GRXCR2: variants seen among roughly 807,000 people sequenced by gnomAD.
GRXCR2 encodes the protein glutaredoxin domain-containing cysteine-rich protein 2.
GRXCR2 carries 23 observed loss-of-function variants against 24.8 expected under a neutral mutation model. That is an observed-to-expected ratio of 0.93 (90% CI 0.67 to 1.32). The LOEUF (loss-of-function observed/expected upper bound fraction) is 1.32, where lower values mean the gene tolerates loss of function less well. GRXCR2 is among the 40% of genes most tolerant of loss of function. The pLI is 0.00. For missense variants in GRXCR2, 315 were observed against 303.4 expected, an observed-to-expected ratio of 1.04 and a Z score of -0.28; for synonymous variants, 130 against 116.1, an observed-to-expected ratio of 1.12 and a Z score of -0.77.
intron 1 of GRXCR2, among the ~76,000 whole-genome samples, chr5:145,868,520 C>G (rs993439236): frequency 6.6e-6 from 1 of 152,112 alleles, no homozygotes; most frequent in East Asian, 1.9e-4. Flanking sequence ...TTGTTTTATG[C>G]AGGCTGGATT....
intron 2 of GRXCR2, among the ~76,000 whole-genome samples, chr5:145,920,222 C>A (rs1336136911): frequency 6.6e-6 from 1 of 152,284 alleles, no homozygotes; most frequent in East Asian, 1.9e-4. Flanking sequence ...CTCACATCTG[C>A]CTGGTGTTTA....
intron 2 of GRXCR2, among the ~76,000 whole-genome samples, chr5:145,931,664 G>T (rs1341325931): frequency 6.6e-6 from 1 of 152,142 alleles, no homozygotes; most frequent in African/African-American, 2.4e-5. Flanking sequence ...TGTCCCAAAG[G>T]TTTCTCAGTA....
At chr5:145,909,812 A>C (rs1253655838) in intron 2 of GRXCR2, among the ~76,000 whole-genome samples, 3 of 152,208 alleles carry the variant, frequency 2.0e-5, no homozygotes, top group Non-Finnish European at 2.9e-5. Context: ...GTCTTTCTTC[A>C]GATCCATCAG....
intron 2 of GRXCR2, among the ~76,000 whole-genome samples, chr5:145,925,718 AATATC>A (rs1249131374): frequency 6.6e-6 from 1 of 152,202 alleles, no homozygotes; most frequent in African/African-American, 2.4e-5. Context: ...GTAAATAATG[AATATC>A]ATATAACTAA....
At chr5:145,905,536 T>C (rs1304457318) in intron 2 of GRXCR2, among the ~76,000 whole-genome samples, 1 of 152,094 alleles carries the variant, frequency 6.6e-6, no homozygotes, top group South Asian at 2.1e-4. Flanking sequence ...GAATTTAGAG[T>C]CCAATAGAGG....
At chr5:145,917,787 T>A (rs1757261574) in intron 2 of GRXCR2, among the ~76,000 whole-genome samples, 1 of 152,176 alleles carries the variant, frequency 6.6e-6, no homozygotes. Context: ...CTGTTTTGTT[T>A]TGTTCTGTTT....
At chr5:145,873,768 G>T (rs1366439974), upstream of GRXCR2, among the ~76,000 whole-genome samples, 2 of 152,216 alleles carry the variant, frequency 1.3e-5, no homozygotes, top group Non-Finnish European at 2.9e-5. Context: ...TTACATTTAA[G>T]ATTTCATTTG....
At chr5:145,873,348 A>T (rs1295511461), upstream of GRXCR2, among the ~76,000 whole-genome samples, 5 of 152,366 alleles carry the variant, frequency 3.3e-5, no homozygotes, top group East Asian at 9.6e-4. Context: ...TCTTATTGTT[A>T]GCAATGACAA....
intron 2 of GRXCR2, among the ~76,000 whole-genome samples, chr5:145,897,054 T>C (rs1230186079): frequency 2.7e-5 from 4 of 145,476 alleles, no homozygotes; most frequent in East Asian, 4.0e-4. Context: ...AAACACCACA[T>C]GTTCTCACTC....
intron 2 of GRXCR2, among the ~76,000 whole-genome samples, chr5:145,861,594 G>T (rs892106397): frequency 1.3e-5 from 2 of 152,242 alleles, no homozygotes; most frequent in African/African-American, 4.8e-5. Context: ...AGTTCCTGTT[G>T]ATTAGACAGG....
At chr5:145,926,975 A>G (rs1208551895) in intron 2 of GRXCR2, among the ~76,000 whole-genome samples, 2 of 152,038 alleles carry the variant, frequency 1.3e-5, no homozygotes, top group African/African-American at 2.4e-5. Flanking sequence ...TAGGTATTTT[A>G]TTCTCTTTGA....
At position 145,872,864 on chromosome 5, in the gene GRXCR2, G is replaced by C; in HGVS notation, c.105C>G (p.Val35=). Reference sequence around the variant, plus strand: ...ACTCTAATTCCTGCCCATCCTCAAAGACCTGCTTCAATACTCGACCGCTGT... The same window carrying C: ...ACTCTAATTCCTGCCCATCCTCAAACACCTGCTTCAATACTCGACCGCTGT... ...SSYSGRVLKQ[V]FEDGQELESP... is the part of the protein sequence containing the mutation. Residue 35 remains valine, a synonymous_variant, in exon 1 of 3, where the codon GTC becomes GTG. Coordinates refer to ENST00000377976, the MANE Select transcript of GRXCR2 (RefSeq NM_001080516.2). 1.9e-6 allele frequency: 3 copies of C among 1,614,096 alleles called. No homozygotes were observed. Among genetic ancestry groups the C allele is most frequent in the Non-Finnish European group, 2.5e-6 (3 of 1,179,998 alleles).
intron 2 of GRXCR2, among the ~76,000 whole-genome samples, chr5:145,917,459 C>T (rs560225394): frequency 6.6e-6 from 1 of 152,066 alleles, no homozygotes; most frequent in South Asian, 2.1e-4. Context: ...GAAAACACAC[C>T]CTCCCACTCA....
Position 145,859,978 on chromosome 5 carries a change from T to C in GRXCR2, c.565-63A>G, listed in dbSNP as rs1756306993. 3.0e-6 allele frequency: 4 copies of C among 1,355,456 alleles called. No individual in the cohort carries two copies. In the South Asian group the frequency reaches 5.9e-5, roughly 20 times the overall value. The allele number at this position is 1,355,456 out of a possible 1,614,324, so 84.0% of individuals were successfully genotyped here. ...TTCAAGTCCGTTGTTCACATGCAGG[T>C]CAAAACAGCACTAGACTACAGCAAA... is the stretch of plus-strand genomic sequence containing the variant. On this transcript the variant is annotated intron_variant, in intron 2 of 2. Coordinates refer to ENST00000377976, the MANE Select transcript of GRXCR2 (RefSeq NM_001080516.2).
rs377646654 is a variant in GRXCR2 at position 145,890,771 on chromosome 5, A to G, written c.-69-24043T>C. Among the ~76,000 whole-genome samples, 3 of 152,232 alleles carry G rather than the reference A, an allele frequency of 2.0e-5. No individual in the cohort carries two copies. The East Asian group carries it at 5.8e-4, about 29-fold the overall frequency. On this transcript the variant is annotated intron_variant, in intron 2 of 3. Transcript: ENST00000639411. Reference sequence around the variant, plus strand: ...GATATGCTCAAAATTTCACATGTTAATATTAATTTTGAATGCAGATGGTCT... The same window carrying G: ...GATATGCTCAAAATTTCACATGTTAGTATTAATTTTGAATGCAGATGGTCT...
chr5:145,893,809 C>T (rs1240929292), intron 2 of GRXCR2, among the ~76,000 whole-genome samples: 2 of 152,168 alleles, frequency 1.3e-5, no homozygotes, highest in African/African-American at 4.8e-5. Context: ...GAACTCTCCA[C>T]CCCAAATCAA....
rs1756285746 is a variant in GRXCR2, at chr5:145,859,027, A to C, written c.*706T>G. Reference sequence around the variant, plus strand: ...ATATTTGAGCACCAAATTTATCATAAATAACTTTGACTTGGCTTATAACCT... The same window carrying C: ...ATATTTGAGCACCAAATTTATCATACATAACTTTGACTTGGCTTATAACCT... On this transcript the variant is annotated 3_prime_UTR_variant, in exon 3 of 3. Transcript: ENST00000377976. 1 of 152,262 alleles carries C rather than the reference A, an allele frequency of 6.6e-6. No homozygotes were observed. The highest frequency in any genetic ancestry group is 6.5e-5 in the Admixed American group (1 of 15,288). 9.4% of individuals were successfully genotyped at this position (152,262 alleles called of 1,614,324 possible).
chr5:145,895,092 T>C (rs2149920549), intron 2 of GRXCR2, among the ~76,000 whole-genome samples: 1 of 152,216 alleles, frequency 6.6e-6, no homozygotes, highest in East Asian at 1.9e-4. Flanking sequence ...CAACGCTTCA[T>C]GCTAAAAACT....
chr5:145,902,239 G>A (rs111686570), intron 2 of GRXCR2, among the ~76,000 whole-genome samples: 3,108 of 152,076 alleles, frequency 0.02, 77 homozygotes, highest in African/African-American at 0.061. Flanking sequence ...GACTACAGGC[G>A]CATGCCACCA....
Sources: allele counts gnomAD v4.1 joint callset (sites outside exome capture counted in the v4.1 genomes callset), GRCh38; gene constraint gnomAD v4.1.1; transcripts MANE v1.5; gene names NCBI Gene and HGNC (gene_info 2026-07-23, HGNC 2026-07-21).